The following RPH3A variants were observed in gnomAD, a reference collection of about 807,000 sequenced individuals.
The protein encoded by RPH3A is rabphilin 3A, also known as rabphilin-3A.
A neutral mutation model predicts 102.2 loss-of-function variants in RPH3A; 48 were observed. The observed-to-expected ratio is 0.47, with a 90% CI of 0.37 to 0.60. The LOEUF is 0.60. Ranked by LOEUF, RPH3A falls within the 20% of genes least tolerant of loss-of-function variation. The probability of loss-of-function intolerance (pLI) is 0.00; values close to 1 mark genes in which losing one functional copy is unlikely to be tolerated. For missense variants in RPH3A, 781 were observed against 910.1 expected (o/e 0.86, Z 1.83); for synonymous variants, 310 against 324.3 (o/e 0.96, Z 0.47).
chr12:112,772,376 A>T (rs1455198401), intron 1 of RPH3A, among the ~76,000 whole-genome samples: 1 of 152,222 alleles, frequency 6.6e-6, no homozygotes, highest in East Asian at 1.9e-4. Context: ...CAGAGCATTT[A>T]GAATCCTTGG....
At chr12:112,579,599 G>A (rs2039382742) in intron 1 of RPH3A, among the ~76,000 whole-genome samples, 1 of 152,196 alleles carries the variant, frequency 6.6e-6, no homozygotes, top group East Asian at 1.9e-4. Flanking sequence ...TTGCATCAAA[G>A]TCATACAAGT....
chr12:112,631,731 C>T (rs929159957), intron 1 of RPH3A, among the ~76,000 whole-genome samples: 4 of 151,864 alleles, frequency 2.6e-5, no homozygotes, highest in Admixed American at 1.3e-4. Context: ...CTCATGTTGC[C>T]CAGGCTGGTC....
intron 1 of RPH3A, among the ~76,000 whole-genome samples, chr12:112,650,402 C>T (rs114159677): frequency 0.012 from 1,836 of 152,224 alleles, 47 homozygotes; most frequent in African/African-American, 0.042. Context: ...TGCCAAGCTC[C>T]CTTAATCCAA....
chr12:112,680,247 A>G (rs368323814), intron 1 of RPH3A, among the ~76,000 whole-genome samples: 3 of 152,310 alleles, frequency 2.0e-5, no homozygotes, highest in African/African-American at 2.4e-5. Context: ...ATGTGGTTGA[A>G]TAATATAACT....
chr12:112,876,947 C>A (rs2042813909), intron 13 of RPH3A, 81 bp downstream of exon 13: 1 of 1,039,912 alleles, frequency 9.6e-7, no homozygotes, highest in Non-Finnish European at 1.4e-6. Context: ...GGCTCAGGAA[C>A]AGCCCTGTCT....
At chr12:112,621,333 G>A (rs1332641574) in intron 1 of RPH3A, among the ~76,000 whole-genome samples, 3 of 150,340 alleles carry the variant, frequency 2.0e-5, no homozygotes, top group Non-Finnish European at 3.0e-5. Flanking sequence ...GACAGTGGGC[G>A]CAGGCCAGTG....
chr12:112,748,566 C>T (rs1193834250), intron 1 of RPH3A, among the ~76,000 whole-genome samples: 1 of 152,140 alleles, frequency 6.6e-6, no homozygotes, highest in African/African-American at 2.4e-5. Context: ...AACTCCTGGC[C>T]TCAAGTGATC....
At chr12:112,877,167 T>G (rs1466572159) in intron 13 of RPH3A, among the ~76,000 whole-genome samples, 1 of 152,184 alleles carries the variant, frequency 6.6e-6, no homozygotes, top group Non-Finnish European at 1.5e-5. Context: ...ACATTCTTGA[T>G]GTTCAGTCTA....
chr12:112,730,568 G>A (rs2040625498), intron 1 of RPH3A, among the ~76,000 whole-genome samples: 1 of 152,210 alleles, frequency 6.6e-6, no homozygotes, highest in Non-Finnish European at 1.5e-5. Flanking sequence ...AGCGCATCCA[G>A]CATCTCTCTC....
chr12:112,576,909 C>CCTTTTT (rs2039363816), intron 1 of RPH3A, among the ~76,000 whole-genome samples: 1 of 114,622 alleles, frequency 8.7e-6, no homozygotes. Context: ...TCTTTTCTTC[C>CCTTTTT]TTTTTTTTTT....
At chr12:112,684,479 G>C (rs932070079) in intron 1 of RPH3A, among the ~76,000 whole-genome samples, 1 of 151,876 alleles carries the variant, frequency 6.6e-6, no homozygotes, top group Non-Finnish European at 1.5e-5. Context: ...TGTTGGCCAG[G>C]CTGGTCTCAC....
chr12:112,783,277 C>T (rs901094479), intron 1 of RPH3A, among the ~76,000 whole-genome samples: 3 of 152,140 alleles, frequency 2.0e-5, no homozygotes, highest in Non-Finnish European at 4.4e-5. Context: ...AGAAGAGGTG[C>T]CCAGGGCATT....
chr12:112,894,349 T>C (rs1290679994), intron 19 of RPH3A: 2 of 532,888 alleles, frequency 3.8e-6, no homozygotes, highest in East Asian at 6.5e-5. Context: ...GTAAACTGAG[T>C]GGTTGTGGTT....
At position 112,898,457 on chromosome 12, in the gene RPH3A, C is replaced by A. The variant is rs745722111; in HGVS notation, c.*1677C>A. On this transcript the variant is annotated 3_prime_UTR_variant, in exon 22 of 22. Transcript: ENST00000389385. Reference sequence around the variant, plus strand: ...CATCTCTTAACTTTTCAACGCCCTCCACCCTCAGCTCCCTGCACAATTCAT... The same window carrying A: ...CATCTCTTAACTTTTCAACGCCCTCAACCCTCAGCTCCCTGCACAATTCAT... The A allele has an allele frequency of 5.3e-5, 8 of 152,250 alleles. No homozygotes were observed. The highest frequency in any genetic ancestry group is 1.0e-4 in the Non-Finnish European group (7 of 68,064). 9.4% of individuals were successfully genotyped at this position (152,250 alleles called of 1,614,324 possible).
At chr12:112,869,634 A>G in intron 8 of RPH3A, 125 bp from the exon 9 acceptor site, 1 of 948,352 alleles carries the variant, frequency 1.1e-6, no homozygotes, top group Non-Finnish European at 1.6e-6. Flanking sequence ...TGGGAGAAAG[A>G]CTTTTAATTT....
Position 112,891,023 on chromosome 12 carries a change from C to A in RPH3A, c.1775+20C>A. ...CAAGCTGTAAGTCAATGCCTTGGGG[C>A]TACAGGTGGGCCCTGAAGGAGTCCT... On this transcript the variant is annotated intron_variant, in intron 19 of 21. Transcript: ENST00000389385. 1 of 1,613,652 alleles carries A rather than the reference C, an allele frequency of 6.2e-7. No individual in the cohort carries two copies. The highest frequency in any genetic ancestry group is 8.5e-7 in the Non-Finnish European group (1 of 1,179,746).
intron 1 of RPH3A, among the ~76,000 whole-genome samples, chr12:112,588,874 G>T (rs1414785291): frequency 1.3e-5 from 2 of 152,154 alleles, no homozygotes; most frequent in Non-Finnish European, 2.9e-5. Flanking sequence ...CAGCACAGGG[G>T]TACCAGGAAC....
intron 1 of RPH3A, among the ~76,000 whole-genome samples, chr12:112,741,573 G>A (rs537519405): frequency 6.6e-6 from 1 of 152,286 alleles, no homozygotes; most frequent in African/African-American, 2.4e-5. Context: ...AAGCATCAAA[G>A]ACAGTGGAAG....
chr12:112,712,974 T>TTC (rs1244362517), intron 1 of RPH3A, among the ~76,000 whole-genome samples: 31 of 108,450 alleles, frequency 2.9e-4, no homozygotes, highest in African/African-American at 7.7e-4. Flanking sequence ...TTTCTTCTTC[T>TTC]TTCTTCTTCG....
Sources: gnomAD v4.1 joint callset for allele counts (sites outside exome capture counted in the v4.1 genomes callset) on GRCh38, gnomAD v4.1.1 for gene constraint, MANE v1.5 for transcripts, NCBI Gene and HGNC (gene_info 2026-07-23, HGNC 2026-07-21) for gene names.